Variants in GAN observed in about 807,000 individuals in gnomAD.
GAN encodes gigaxonin, also known as epididymis secretory sperm binding protein.
GAN carries 48 observed loss-of-function variants against 71.3 expected under a neutral mutation model. The ratio of observed to expected loss-of-function variants is 0.67; its 90% confidence interval spans 0.53 to 0.86. The LOEUF is 0.86. Ranked by LOEUF, GAN falls within the 40% of genes least tolerant of loss-of-function variation. The pLI is 0.00. For missense variants in GAN, 928 were observed against 770.1 expected (o/e 1.21, Z -2.43); for synonymous variants, 386 against 276.8 (o/e 1.39, Z -3.92).
At chr16:81,324,948 C>T (rs908196724) in intron 1 of GAN, among the ~76,000 whole-genome samples, 3 of 152,090 alleles carry the variant, frequency 2.0e-5, no homozygotes, top group Non-Finnish European at 4.4e-5. Context: ...GCAGTGGAGG[C>T]GGACACAGCA....
At chr16:81,372,627 C>T (rs1463766094) in intron 9 of GAN, among the ~76,000 whole-genome samples, 1 of 152,162 alleles carries the variant, frequency 6.6e-6, no homozygotes, top group Non-Finnish European at 1.5e-5. Context: ...CATTGATGTG[C>T]TTGGGACAAA....
At chr16:81,318,212 C>G (rs1909109363) in intron 1 of GAN, among the ~76,000 whole-genome samples, 1 of 152,130 alleles carries the variant, frequency 6.6e-6, no homozygotes, top group African/African-American at 2.4e-5. Context: ...CCTTTTGAAA[C>G]TTAAGCATTT....
chr16:81,334,600 G>A (rs1395176013), intron 1 of GAN, among the ~76,000 whole-genome samples: 2 of 152,166 alleles, frequency 1.3e-5, no homozygotes, highest in Non-Finnish European at 2.9e-5. Flanking sequence ...TTGCACTGGG[G>A]ACAATAGTGG....
chr16:81,323,028 T>C (rs7186648), intron 1 of GAN, among the ~76,000 whole-genome samples: 148,757 of 152,326 alleles, frequency 0.98, 72,710 homozygotes, highest in Non-Finnish European at 1. Context: ...CTCTCCATGC[T>C]ACAGCCCCCA....
intron 1 of GAN, among the ~76,000 whole-genome samples, chr16:81,347,014 A>G (rs148075796): frequency 6.6e-6 from 1 of 152,240 alleles, no homozygotes; most frequent in Non-Finnish European, 1.5e-5. Context: ...TAACCAGCAC[A>G]GTGACTGAGA....
intron 1 of GAN, among the ~76,000 whole-genome samples, chr16:81,340,698 T>G (rs1007830833): frequency 1.3e-5 from 2 of 151,716 alleles, no homozygotes; most frequent in African/African-American, 4.8e-5. Context: ...GCAGAAAGGC[T>G]GAAAATTCTT....
chr16:81,343,261 C>G (rs898701115), intron 1 of GAN, among the ~76,000 whole-genome samples: 1 of 152,212 alleles, frequency 6.6e-6, no homozygotes, highest in Non-Finnish European at 1.5e-5. Context: ...TCCTCACTAA[C>G]TCATTTTATG....
rs903356039 is a variant in GAN at position 81,342,667 on chromosome 16, C to T, written c.168-8916C>T. Among the ~76,000 whole-genome samples the T allele has an allele frequency of 3.3e-5, 5 of 152,274 alleles. No homozygotes were observed. The South Asian group carries it at 6.2e-4, about 19-fold the overall frequency. ...GGAAATTTATAGCACGAAATGCCCA[C>T]AAGAGAAAGCAGGACAGATCTAAAA... On this transcript the variant is annotated intron_variant, in intron 1 of 10. Transcript: ENST00000648994.
In GAN at chr16:81,367,731, T is replaced by C. The variant is rs28412656; in HGVS notation, c.1502+2253T>C. On this transcript the variant is annotated intron_variant, in intron 9 of 10. Transcript: ENST00000648994. Reference sequence around the variant, plus strand: ...CTTCAAAACAGCACTCTGAAGCGCATGTAGGTACTGTTACTATTCCTATTT... The same window carrying C: ...CTTCAAAACAGCACTCTGAAGCGCACGTAGGTACTGTTACTATTCCTATTT... 9.2e-3 allele frequency among the ~76,000 whole-genome samples: 1,402 copies of C among 152,292 alleles called. 16 individuals are homozygous for C. Among genetic ancestry groups the C allele is most frequent in the African/African-American group, 0.032 (1,325 of 41,544 alleles).
chr16:81,384,439 A>G lies in GAN; in HGVS notation c.*6843A>G, dbSNP rs1418542688. 6.6e-6 allele frequency: 1 copy of G among 152,178 alleles called. No homozygotes were observed. 9.4% of individuals were successfully genotyped at this position (152,178 alleles called of 1,614,324 possible). ...CTTTAAAAGGCTGTTTTCATAATGC[A>G]GAAAAGTAGTCTATTTAAACGCCAC... On this transcript the variant is annotated 3_prime_UTR_variant, in exon 11 of 11. Transcript: ENST00000648994.
At chr16:81,363,998 A>C in intron 7 of GAN, 55 bp downstream of exon 7, 1 of 1,294,594 alleles carries the variant, frequency 7.7e-7, no homozygotes. Flanking sequence ...TTTTAAACTT[A>C]ATGTGTCTTC....
chr16:81,378,494 TAAAAAAGCAAAAAC>T lies in GAN; in HGVS notation c.*907_*920del, dbSNP rs1904289815. 6.6e-6 allele frequency: 1 copy of T among 152,150 alleles called. No homozygotes were observed. The highest frequency in any genetic ancestry group is 2.4e-5 in the African/African-American group (1 of 41,438). 9.4% of individuals were successfully genotyped at this position (152,150 alleles called of 1,614,324 possible). The stretch of plus-strand genomic sequence containing the variant: ...ACAAATAATAAAGGTCTGCTGTGGC[TAAAAAAGCAAAAAC>T]AAAAAAGCTATCCAGACAAAATACA... On this transcript the variant is annotated 3_prime_UTR_variant, in exon 11 of 11. Transcript: ENST00000648994.
chr16:81,376,340 G>A (rs1322256782), intron 9 of GAN, among the ~76,000 whole-genome samples: 1 of 152,030 alleles, frequency 6.6e-6, no homozygotes, highest in Non-Finnish European at 1.5e-5. Context: ...AAATTCTGGG[G>A]CTGGACTCTG....
chr16:81,380,683 C>T lies in GAN; in HGVS notation c.*3087C>T, dbSNP rs946953592. ...TGGTGCTTCAGATAAATTCTTGAGC[C>T]TGTTGACCTTCAGTTTATACTACTG... On this transcript the variant is annotated 3_prime_UTR_variant, in exon 11 of 11. Transcript: ENST00000648994. The T allele has an allele frequency of 1.3e-5, 2 of 152,126 alleles. No individual in the cohort carries two copies. The highest frequency in any genetic ancestry group is 2.9e-5 in the Non-Finnish European group (2 of 68,024). The allele number at this position is 152,126 out of a possible 1,614,324, so 9.4% of individuals were successfully genotyped here. A position where few individuals can be genotyped will look rare whatever the true frequency, so the allele number is the denominator to read the frequency against.
In GAN at chr16:81,385,970, C is replaced by G. The variant is rs556443178; in HGVS notation, c.*8374C>G. 3 of 152,008 alleles carry G rather than the reference C, an allele frequency of 2.0e-5. No individual in the cohort carries two copies. The highest frequency in any genetic ancestry group is 4.4e-5 in the Non-Finnish European group (3 of 68,026). 9.4% of individuals were successfully genotyped at this position (152,008 alleles called of 1,614,324 possible). A position where few individuals can be genotyped will look rare whatever the true frequency, so the allele number is the denominator to read the frequency against. Reference sequence around the variant, plus strand: ...TTCACCATATTGCCCAGGCTGGTCTCGAGCTCCTGAGCTCAGGCAATCCGC... The same window carrying G: ...TTCACCATATTGCCCAGGCTGGTCTGGAGCTCCTGAGCTCAGGCAATCCGC... On this transcript the variant is annotated 3_prime_UTR_variant, in exon 11 of 11. Coordinates refer to ENST00000648994, the MANE Select transcript of GAN (RefSeq NM_022041.4).
Position 81,384,904 on chromosome 16 carries a change from T to G in GAN, c.*7308T>G, listed in dbSNP as rs1904356189. The G allele has an allele frequency of 6.5e-6, 1 of 154,044 alleles. No homozygotes were observed. The highest frequency in any genetic ancestry group is 2.4e-5 in the African/African-American group (1 of 41,482). 9.5% of individuals were successfully genotyped at this position (154,044 alleles called of 1,614,324 possible). A position where few individuals can be genotyped will look rare whatever the true frequency, so the allele number is the denominator to read the frequency against. On this transcript the variant is annotated 3_prime_UTR_variant, in exon 11 of 11. Transcript: ENST00000648994. ...GCTCACCAGTTGTAGGCAAGACTCT[T>G]CCTCTCGGGAGATCTTGTAATAATG... is the stretch of plus-strand genomic sequence containing the variant.
chr16:81,333,833 C>A (rs1351521850), intron 1 of GAN, among the ~76,000 whole-genome samples: 11 of 152,184 alleles, frequency 7.2e-5, no homozygotes, highest in Admixed American at 7.2e-4. Flanking sequence ...TTGTAGCTGT[C>A]CCTCTAGGGA....
chr16:81,342,783 G>C (rs180926268), intron 1 of GAN, among the ~76,000 whole-genome samples: 6 of 152,276 alleles, frequency 3.9e-5, no homozygotes, highest in East Asian at 3.9e-4. Context: ...ACTAAGATCA[G>C]AGCAGAACTG....
chr16:81,378,867 T>C lies in GAN; in HGVS notation c.*1271T>C, dbSNP rs1465295620. The C allele has an allele frequency of 1.3e-5, 2 of 152,636 alleles. No homozygotes were observed. The highest frequency in any genetic ancestry group is 2.9e-5 in the Non-Finnish European group (2 of 68,048). 9.5% of individuals were successfully genotyped at this position (152,636 alleles called of 1,614,324 possible). A position where few individuals can be genotyped will look rare whatever the true frequency, so the allele number is the denominator to read the frequency against. On this transcript the variant is annotated 3_prime_UTR_variant, in exon 11 of 11. Transcript: ENST00000648994. The stretch of plus-strand genomic sequence containing the variant: ...TCATTGGGGGAAAAATGTCTTTCGT[T>C]CGTGGAACGTATCTTGTAAGATATT...
Sources: gnomAD v4.1 joint callset for allele counts (sites outside exome capture counted in the v4.1 genomes callset) on GRCh38, gnomAD v4.1.1 for gene constraint, MANE v1.5 for transcripts, NCBI Gene and HGNC (gene_info 2026-07-23, HGNC 2026-07-21) for gene names.